FARP1: variants seen among roughly 807,000 people sequenced by gnomAD.
FARP1 encodes the protein FERM, ARH/RhoGEF and pleckstrin domain protein 1, also known as FERM, ARHGEF and pleckstrin domain-containing protein 1.
In FARP1, 52 loss-of-function variants were observed where a neutral mutation model predicts 128.8. The observed-to-expected ratio is 0.40, with a 90% confidence interval of 0.32 to 0.51. The LOEUF is 0.51. Ranked by LOEUF, FARP1 falls within the 20% of genes least tolerant of loss-of-function variation. FARP1 has a pLI of 0.45. For missense variants in FARP1, 1,333 were observed against 1,367.9 expected (o/e 0.97, Z 0.40); for synonymous variants, 580 against 551.8 (o/e 1.05, Z -0.72).
In FARP1 at chr13:98,343,801, A is replaced by G. The variant is rs764285227; in HGVS notation, c.211A>G (p.Asn71Asp). The change falls in exon 3 of 27, where the codon AAC becomes GAC. Residue 71 changes from asparagine to aspartate, a missense_variant. Asn to Asp is a conservative substitution (Grantham distance 23). Coordinates refer to ENST00000319562, the MANE Select transcript of FARP1 (RefSeq NM_005766.4). ...PGKVLLDAVC[N>D]HLNLVEGDYF... is the part of the protein sequence containing the mutation. ...GAAGGTGCTGCTGGATGCAGTTTGCAACCACCTCAACCTCGTGGAAGGTGA... is the reference window on the plus strand; with the variant it reads ...GAAGGTGCTGCTGGATGCAGTTTGCGACCACCTCAACCTCGTGGAAGGTGA... The G allele has an allele frequency of 6.2e-7, 1 of 1,614,170 alleles. No individual in the cohort carries two copies. The highest frequency in any genetic ancestry group is 1.7e-5 in the Admixed American group (1 of 60,012).
intron 2 of FARP1, among the ~76,000 whole-genome samples, chr13:98,218,079 T>A (rs545995762): frequency 1.2e-4 from 19 of 152,258 alleles, no homozygotes; most frequent in African/African-American, 4.3e-4. Context: ...TTCCTCTGCC[T>A]CCTACTCCCA....
At chr13:98,192,514 C>G (rs900967801) in intron 1 of FARP1, among the ~76,000 whole-genome samples, 12 of 152,074 alleles carry the variant, frequency 7.9e-5, no homozygotes, top group Non-Finnish European at 7.4e-5. Flanking sequence ...CTCAGCCTTT[C>G]GAGTAGCTGG....
intron 1 of FARP1, among the ~76,000 whole-genome samples, chr13:98,153,310 A>G (rs1428353264): frequency 1.4e-4 from 3 of 22,150 alleles, no homozygotes; most frequent in South Asian, 2.9e-3. Context: ...ATATTTATAT[A>G]TAAAATATAT....
intron 3 of FARP1, among the ~76,000 whole-genome samples, chr13:98,348,851 A>G (rs977714404): frequency 1.9e-4 from 29 of 152,198 alleles, no homozygotes; most frequent in African/African-American, 5.5e-4. Flanking sequence ...TAGTTTGCCA[A>G]TCTCTGTGGT....
intron 2 of FARP1, among the ~76,000 whole-genome samples, chr13:98,295,198 T>C (rs778203714): frequency 6.6e-6 from 1 of 152,090 alleles, no homozygotes; most frequent in Non-Finnish European, 1.5e-5. Flanking sequence ...AAGGGATTCA[T>C]GTTTAGGGCT....
At chr13:98,354,646 C>G (rs1201794249) in intron 3 of FARP1, among the ~76,000 whole-genome samples, 1 of 152,270 alleles carries the variant, frequency 6.6e-6, no homozygotes, top group Non-Finnish European at 1.5e-5. Flanking sequence ...CACAGCAGTT[C>G]TACTCCTAAG....
At position 98,287,205 on chromosome 13, in the gene FARP1, T is replaced by G. The variant is rs564013403; in HGVS notation, c.172-56557T>G. Among the ~76,000 whole-genome samples the G allele has an allele frequency of 1.1e-3, 148 of 132,720 alleles. 1 individual carries two copies. The highest frequency in any genetic ancestry group is 9.3e-3 in the South Asian group (38 of 4,078). 87.1% of individuals were successfully genotyped at this position (132,720 alleles called of 152,430 possible). A position where few individuals can be genotyped will look rare whatever the true frequency, so the allele number is the denominator to read the frequency against. On this transcript the variant is annotated intron_variant, in intron 2 of 26. Transcript: ENST00000319562. ...TCCTTTCCAAATTAACCATCAGACA[T>G]GTCTTTTTTTTTTTTTTTTTTTTTT...
At chr13:98,308,509 G>C (rs1214326948) in intron 2 of FARP1, among the ~76,000 whole-genome samples, 1 of 152,160 alleles carries the variant, frequency 6.6e-6, no homozygotes, top group Non-Finnish European at 1.5e-5. Flanking sequence ...ACAGCCTGAC[G>C]AGCCACATGC....
chr13:98,174,333 C>T (rs752392000), intron 1 of FARP1, among the ~76,000 whole-genome samples: 2 of 152,132 alleles, frequency 1.3e-5, no homozygotes, highest in Non-Finnish European at 2.9e-5. Context: ...GGTTCACGAG[C>T]GTAGCTGAGT....
chr13:98,173,572 A>C (rs1877793078), intron 1 of FARP1, among the ~76,000 whole-genome samples: 1 of 152,224 alleles, frequency 6.6e-6, no homozygotes, highest in Admixed American at 6.5e-5. Flanking sequence ...AAGTCCATGC[A>C]AATTAATGAA....
At chr13:98,232,112 G>C (rs1488503857) in intron 2 of FARP1, among the ~76,000 whole-genome samples, 3 of 145,192 alleles carry the variant, frequency 2.1e-5, no homozygotes, top group African/African-American at 7.7e-5. Context: ...TTACAGGCAT[G>C]AGCCACCGTG....
chr13:98,153,330 A>ATTTT (rs71120310), intron 1 of FARP1, among the ~76,000 whole-genome samples: 1 of 130,216 alleles, frequency 7.7e-6, no homozygotes, highest in Admixed American at 9.4e-5. Flanking sequence ...TAAATAATAT[A>ATTTT]ATATATAAAA....
chr13:98,228,725 C>T (rs1362012425), intron 2 of FARP1, among the ~76,000 whole-genome samples: 1 of 152,072 alleles, frequency 6.6e-6, no homozygotes, highest in Non-Finnish European at 1.5e-5. Flanking sequence ...TTCATTGATC[C>T]ACTTACGGGA....
chr13:98,316,681 A>G (rs656556), intron 2 of FARP1, among the ~76,000 whole-genome samples: 33,335 of 152,152 alleles, frequency 0.22, 3,932 homozygotes, highest in Non-Finnish European at 0.27. Context: ...ATGCCAGAAC[A>G]CTGCGTTGCA....
intron 1 of FARP1, among the ~76,000 whole-genome samples, chr13:98,193,122 A>G (rs1041548527): frequency 1.3e-5 from 2 of 151,544 alleles, no homozygotes; most frequent in African/African-American, 2.4e-5. Flanking sequence ...CAGTGGTGCA[A>G]TCTAGGCTCA....
chr13:98,390,013 C>A lies in FARP1; in HGVS notation c.912C>A (p.Ser304=), dbSNP rs2140054596. 1.9e-6 allele frequency: 3 copies of A among 1,614,188 alleles called. No individual in the cohort carries two copies. In the South Asian group the frequency reaches 3.3e-5, roughly 18 times the overall value. The part of the protein sequence containing the change: ...FLMASRDFCK[S]FWKICVEHHA... ...TGGCCAGTCGGGATTTCTGCAAGTC[C>A]TTCTGGAAAATCTGTGTTGAACATC... is the stretch of plus-strand genomic sequence containing the variant. The change falls in exon 10 of 27, where the codon TCC becomes TCA. Residue 304 remains serine (S), a synonymous_variant. Transcript: ENST00000319562.
At chr13:98,253,678 G>A (rs189771145) in intron 2 of FARP1, among the ~76,000 whole-genome samples, 108 of 152,326 alleles carry the variant, frequency 7.1e-4, no homozygotes, top group Middle Eastern at 6.8e-3. Flanking sequence ...AGGTCGCACC[G>A]CTAAGTCATC....
intron 2 of FARP1, among the ~76,000 whole-genome samples, chr13:98,232,546 A>G (rs1882193168): frequency 6.6e-6 from 1 of 152,240 alleles, no homozygotes. Flanking sequence ...TTTTTCCAAC[A>G]GCATGTGCTT....
intron 12 of FARP1, 90 bp downstream of exon 12, chr13:98,393,808 C>T (rs1890405355): frequency 4.3e-6 from 4 of 933,952 alleles, no homozygotes; most frequent in Non-Finnish European, 6.9e-6. Flanking sequence ...TTCTTGTTCT[C>T]TGTCCTTTCC....
Sources: gnomAD v4.1 joint callset for allele counts (sites outside exome capture counted in the v4.1 genomes callset) on GRCh38, gnomAD v4.1.1 for gene constraint, MANE v1.5 for transcripts, NCBI Gene and HGNC (gene_info 2026-07-23, HGNC 2026-07-21) for gene names.